HHIPL1: variants seen among roughly 807,000 people sequenced by gnomAD.
HHIPL1 encodes HHIP-like protein 1.
HHIPL1 carries 43 observed loss-of-function variants against 61.8 expected under a neutral mutation model. The ratio of observed to expected loss-of-function variants is 0.70; its 90% confidence interval spans 0.55 to 0.90. HHIPL1 has a LOEUF of 0.90. HHIPL1 is among the 40% of genes least tolerant of loss of function. The probability of loss-of-function intolerance (pLI) is 0.00; values close to 1 mark genes in which losing one functional copy is unlikely to be tolerated. For missense variants in HHIPL1, 1,056 were observed against 1,157.7 expected, an observed-to-expected ratio of 0.91 and a Z score of 1.28; for synonymous variants, 482 against 515.8, an observed-to-expected ratio of 0.93 and a Z score of 0.89.
chr14:99,619,957 G>A, the HHIPL1 span, among the ~76,000 whole-genome samples: 6 of 152,324 alleles, frequency 3.9e-5, 1 homozygote, highest in African/African-American at 1.4e-4. Context: ...AGCAGAGGCT[G>A]GCCCCAGGAT....
chr14:99,644,099 A>G (rs897678947), upstream of HHIPL1, among the ~76,000 whole-genome samples: 4 of 152,214 alleles, frequency 2.6e-5, no homozygotes, highest in Non-Finnish European at 5.9e-5. Context: ...TGTTCAGGCC[A>G]GAGCCACAGA....
rs140224080 is a variant in HHIPL1, at chr14:99,658,688, G to A, written c.1047-740G>A. Among the ~76,000 whole-genome samples the A allele has an allele frequency of 3.9e-4, 59 of 152,150 alleles. 1 individual carries two copies. Among genetic ancestry groups the A allele is most frequent in the African/African-American group, 1.4e-3 (59 of 41,522 alleles). ...GCACATTACAGATTTTTCCCATCACGCGTCACTTTTGTCATGAGCTATCCT... is the reference window on the plus strand; with the variant it reads ...GCACATTACAGATTTTTCCCATCACACGTCACTTTTGTCATGAGCTATCCT... On this transcript the variant is annotated intron_variant, in intron 3 of 8. Coordinates refer to ENST00000330710, the MANE Select transcript of HHIPL1 (RefSeq NM_001127258.3).
chr14:99,629,455 G>A, the HHIPL1 span, among the ~76,000 whole-genome samples: 3 of 152,094 alleles, frequency 2.0e-5, no homozygotes, highest in Non-Finnish European at 2.9e-5. Context: ...GGGCAGGGGC[G>A]TAGGCACAGG....
rs2140090466 is a variant in HHIPL1 at position 99,668,569 on chromosome 14, A to T, written c.1730+266A>T. 6.6e-6 allele frequency among the ~76,000 whole-genome samples: 1 copy of T among 152,182 alleles called. No homozygotes were observed. The highest frequency in any genetic ancestry group is 2.1e-4 in the South Asian group (1 of 4,820). On this transcript the variant is annotated intron_variant, in intron 7 of 8. Transcript: ENST00000330710. This position sits in a 1 kb window ranked among gnomAD's most constrained non-coding sequence, Gnocchi z 4.7. ...GAGAGGTGACTGGGGCCGCGGGCCG[A>T]GGCTTCACTTGGCTTTCTTGCCTGG...
upstream of HHIPL1, among the ~76,000 whole-genome samples, chr14:99,643,898 C>T (rs1401893086): frequency 6.6e-6 from 1 of 152,196 alleles, no homozygotes; most frequent in Non-Finnish European, 1.5e-5. Context: ...CTCCTTGGCT[C>T]CAGTAACATC....
the HHIPL1 span, among the ~76,000 whole-genome samples, chr14:99,630,279 G>A: frequency 6.6e-6 from 1 of 152,354 alleles, no homozygotes; most frequent in Non-Finnish European, 1.5e-5. Flanking sequence ...CGGGCAGGCG[G>A]TGGTTAATAA....
intron 7 of HHIPL1, among the ~76,000 whole-genome samples, chr14:99,670,805 G>A (rs1393012054): frequency 1.3e-5 from 2 of 152,226 alleles, no homozygotes; most frequent in Non-Finnish European, 1.5e-5. Context: ...TCTAATGGCT[G>A]CTTGATTTTC....
intron 1 of HHIPL1, among the ~76,000 whole-genome samples, chr14:99,649,190 C>T (rs10139462): frequency 0.36 from 54,198 of 152,092 alleles, 10,368 homozygotes; most frequent in South Asian, 0.46. Context: ...GTGATTGGGA[C>T]GCACGGATGC....
chr14:99,615,321 C>A, the HHIPL1 span, among the ~76,000 whole-genome samples: 3 of 152,148 alleles, frequency 2.0e-5, no homozygotes, highest in Non-Finnish European at 4.4e-5. Flanking sequence ...CCCAGCCTCC[C>A]AGATTGCTTG....
the HHIPL1 span, among the ~76,000 whole-genome samples, chr14:99,617,470 A>T: frequency 5.9e-5 from 9 of 152,160 alleles, no homozygotes; most frequent in African/African-American, 1.9e-4. Context: ...AAATGTGGAG[A>T]CTGCAAAGCC....
At chr14:99,629,511 T>TG in the HHIPL1 span, among the ~76,000 whole-genome samples, 3 of 28,658 alleles carry the variant, frequency 1.0e-4, no homozygotes, top group African/African-American at 2.0e-4. Context: ...GACTTCCTGA[T>TG]TTTTTTTTTT....
upstream of HHIPL1, chr14:99,644,990 G>T (rs1221974650): frequency 2.5e-6 from 1 of 394,584 alleles, no homozygotes; most frequent in South Asian, 1.3e-4. Context: ...TTTGGAAAGC[G>T]GTTAAAAGAG....
At chr14:99,611,751 T>C in the HHIPL1 span, among the ~76,000 whole-genome samples, 1 of 152,038 alleles carries the variant, frequency 6.6e-6, no homozygotes, top group Admixed American at 6.6e-5. Flanking sequence ...GTTTTTTTTT[T>C]TTCCTATAAG....
At chr14:99,663,801 G>T (rs2056195453) in intron 6 of HHIPL1, among the ~76,000 whole-genome samples, 1 of 152,122 alleles carries the variant, frequency 6.6e-6, no homozygotes, top group African/African-American at 2.4e-5. Context: ...CCTGGGTAAG[G>T]TTGCCATGAG....
At position 99,675,665 on chromosome 14, in the gene HHIPL1, G is replaced by A. The variant is rs1346383189; in HGVS notation, c.*39G>A. Reference sequence around the variant, plus strand: ...GCCCCAGGCCATCCCGCCGGCGGGGGAGCCTGGCAGGGGCCGCTCCGCCCT... The same window carrying A: ...GCCCCAGGCCATCCCGCCGGCGGGGAAGCCTGGCAGGGGCCGCTCCGCCCT... On this transcript the variant is annotated 3_prime_UTR_variant, in exon 9 of 9. Transcript: ENST00000330710. The surrounding 1 kb of genome is among the most constrained non-coding windows in gnomAD (Gnocchi z 5.4). The A allele has an allele frequency of 4.1e-6, 6 of 1,470,386 alleles. No individual in the cohort carries two copies. Among genetic ancestry groups the A allele is most frequent in the Non-Finnish European group, 3.6e-6 (4 of 1,111,180 alleles). The allele number at this position is 1,470,386 out of a possible 1,614,324, so 91.1% of individuals were successfully genotyped here.
At chr14:99,628,046 G>T in the HHIPL1 span, among the ~76,000 whole-genome samples, 1 of 152,030 alleles carries the variant, frequency 6.6e-6, no homozygotes, top group Admixed American at 6.6e-5. Flanking sequence ...ATTGGAGGGG[G>T]CAGGCCATGA....
At chr14:99,649,380 T>C (rs1186365356) in intron 1 of HHIPL1, among the ~76,000 whole-genome samples, 1 of 152,192 alleles carries the variant, frequency 6.6e-6, no homozygotes, top group East Asian at 1.9e-4. Context: ...GTGAATGAAA[T>C]GTTGCTGACT....
chr14:99,659,855 C>CCCA (rs1555377806), intron 4 of HHIPL1, 99 bp downstream of exon 4: 4 of 563,310 alleles, frequency 7.1e-6, no homozygotes, highest in South Asian at 3.8e-5. Context: ...CACCCCCCCC[C>CCCA]CCCCGGAGAT....
chr14:99,678,763 A>G lies in HHIPL1; in HGVS notation c.*3137A>G, dbSNP rs1035060004. ...GTTAAAGTATAAGGACATAGAACGT[A>G]CTATGTGCCTGTGAGCACGTCTAAC... On this transcript the variant is annotated 3_prime_UTR_variant, in exon 9 of 9. Transcript: ENST00000330710. 1.3e-5 allele frequency: 2 copies of G among 152,240 alleles called. No homozygotes were observed. Among genetic ancestry groups the G allele is most frequent in the Non-Finnish European group, 2.9e-5 (2 of 68,050 alleles). The allele number at this position is 152,240 out of a possible 1,614,324, so 9.4% of individuals were successfully genotyped here. A position where few individuals can be genotyped will look rare whatever the true frequency, so the allele number is the denominator to read the frequency against.
Sources: allele counts gnomAD v4.1 joint callset (sites outside exome capture counted in the v4.1 genomes callset), GRCh38; gene constraint gnomAD v4.1.1; non-coding constraint Gnocchi (gnomAD v3.1); transcripts MANE v1.5; gene names NCBI Gene and HGNC (gene_info 2026-07-23, HGNC 2026-07-21).